Variants in ABCA4 observed in about 807,000 individuals in gnomAD.
ABCA4 encodes the protein ATP binding cassette subfamily A member 4, also known as retinal-specific phospholipid-transporting ATPase ABCA4.
A neutral mutation model predicts 263.7 loss-of-function variants in ABCA4; 196 were observed. The observed-to-expected ratio is 0.74, with a 90% CI of 0.66 to 0.84. The LOEUF is 0.84. Among genes scored for constraint, ABCA4 ranks in the 40% least tolerant of loss-of-function variants. The probability of loss-of-function intolerance (pLI) is 0.00; values close to 1 mark genes in which losing one functional copy is unlikely to be tolerated. For synonymous variants in ABCA4, 1,133 were observed against 1,094.2 expected, an observed-to-expected ratio of 1.04 and a Z score of -0.70; for missense variants, 2,792 against 2,855.1, an observed-to-expected ratio of 0.98 and a Z score of 0.50.
At chr1:94,111,340 CA>C (rs2101161693) in intron 3 of ABCA4, 97 bp downstream of exon 3, 1 of 1,497,362 alleles carries the variant, frequency 6.7e-7, no homozygotes, top group African/African-American at 1.4e-5. Context: ...GCCACAAGAA[CA>C]CTCAGTGCTC....
At chr1:94,031,277 G>A (rs1291815611) in intron 27 of ABCA4, among the ~76,000 whole-genome samples, 157 bp from the exon 28 acceptor site, 2 of 152,230 alleles carry the variant, frequency 1.3e-5, no homozygotes, top group African/African-American at 4.8e-5. Context: ...ATAATAAGCA[G>A]GGTGTGCAAA....
intron 16 of ABCA4, among the ~76,000 whole-genome samples, chr1:94,052,265 C>A (rs910464903): frequency 5.9e-5 from 9 of 152,174 alleles, no homozygotes; most frequent in African/African-American, 2.2e-4. Context: ...AACCCTACAC[C>A]CCCATCCCTC....
intron 29 of ABCA4, 58 bp downstream of exon 29, chr1:94,030,370 C>T (rs1386511781): frequency 2.6e-6 from 4 of 1,516,784 alleles, no homozygotes; most frequent in Middle Eastern, 1.8e-4. Flanking sequence ...CTTGAACCCA[C>T]CGTTGGGTCC....
intron 35 of ABCA4, among the ~76,000 whole-genome samples, chr1:94,020,291 A>C (rs146074302): frequency 1.7e-4 from 26 of 152,324 alleles, no homozygotes; most frequent in African/African-American, 6.3e-4. Flanking sequence ...CTTTCCTCGG[A>C]CAAATAGAAG....
intron 4 of ABCA4, among the ~76,000 whole-genome samples, chr1:94,108,071 C>T (rs1662491378): frequency 1.3e-5 from 2 of 152,190 alleles, no homozygotes; most frequent in South Asian, 2.1e-4. Flanking sequence ...TCTCCACTTG[C>T]TCTGCCTCGG....
At chr1:94,086,257 A>G (rs1661822626) in intron 6 of ABCA4, among the ~76,000 whole-genome samples, 2 of 152,176 alleles carry the variant, frequency 1.3e-5, no homozygotes, top group South Asian at 4.1e-4. Context: ...TTATCTTTGT[A>G]TCACCAAGCT....
At chr1:94,034,928 A>G (rs566587794) in intron 26 of ABCA4, among the ~76,000 whole-genome samples, 2 of 152,306 alleles carry the variant, frequency 1.3e-5, no homozygotes, top group South Asian at 2.1e-4. Flanking sequence ...TCTCTCAACA[A>G]TGCTACAGGT....
At chr1:94,080,828 C>G in intron 7 of ABCA4, 110 bp from the exon 8 acceptor site, 1 of 1,483,364 alleles carries the variant, frequency 6.7e-7, no homozygotes, top group African/African-American at 1.4e-5. Flanking sequence ...AAGAAAACAT[C>G]CATATATTCT....
At chr1:93,993,413 C>T (rs1463394029) in intron 49 of ABCA4, among the ~76,000 whole-genome samples, 171 bp from the exon 50 acceptor site, 1 of 152,038 alleles carries the variant, frequency 6.6e-6, no homozygotes, top group East Asian at 1.9e-4. Context: ...CTCTCCTTCT[C>T]TATGAAATCT....
chr1:94,032,030 C>G lies in ABCA4; in HGVS notation c.3876G>C (p.Gln1292His), dbSNP rs758846438. Residue 1292 changes from glutamine to histidine, a missense_variant, in exon 27 of 50, where the codon CAG becomes CAC. Transcript: ENST00000370225. Reference protein sequence around the residue: ...SGPLFAGGAQQKRENVNPRHP... With the variant: ...SGPLFAGGAQHKRENVNPRHP... ...GTCGGGGGTTGACGTTTTCTCTTTT[C>G]TGCTGAGCGCCACCTGTTTTGAGAG... 5.0e-6 allele frequency: 8 copies of G among 1,611,828 alleles called. No individual in the cohort carries two copies. In the Admixed American group the frequency reaches 1.3e-4, roughly 27 times the overall value.
At position 93,992,850 on chromosome 1, in the gene ABCA4, C is replaced by T. The variant is rs541149057; in HGVS notation, c.*387G>A. On this transcript the variant is annotated 3_prime_UTR_variant, in exon 50 of 50. Coordinates refer to ENST00000370225, the MANE Select transcript of ABCA4 (RefSeq NM_000350.3). ...GAATTAGGATAGTTTGTGATGAGTG[C>T]ATTTGCATTTTATTTTTCCATGAAA... 3.7e-5 allele frequency: 12 copies of T among 326,160 alleles called. No homozygotes were observed. The East Asian group carries it at 8.5e-4, about 23-fold the overall frequency. The allele number at this position is 326,160 out of a possible 1,614,324, so 20.2% of individuals were successfully genotyped here.
At chr1:94,074,564 C>T (rs774565888) in intron 11 of ABCA4, among the ~76,000 whole-genome samples, 15 of 152,282 alleles carry the variant, frequency 9.9e-5, no homozygotes, top group African/African-American at 2.2e-4. Context: ...CTATCATTAG[C>T]GTGAACAGGC....
chr1:94,064,916 T>C (rs1661224865), intron 11 of ABCA4, among the ~76,000 whole-genome samples: 2 of 152,100 alleles, frequency 1.3e-5, no homozygotes, highest in African/African-American at 2.4e-5. Context: ...GATCAGACTA[T>C]GATCACTGGT....
At chr1:94,039,339 T>G (rs1376573662) in intron 24 of ABCA4, among the ~76,000 whole-genome samples, 1 of 152,218 alleles carries the variant, frequency 6.6e-6, no homozygotes, top group Non-Finnish European at 1.5e-5. Flanking sequence ...TTTGAAAAAG[T>G]TTGTGCTAAA....
intron 2 of ABCA4, 69 bp from the exon 3 acceptor site, chr1:94,111,648 T>G (rs987212130): frequency 1.3e-6 from 2 of 1,587,490 alleles, no homozygotes; most frequent in Non-Finnish European, 1.7e-6. Context: ...GACCTAGGAG[T>G]TGGCCTTTTT....
chr1:94,072,724 C>G (rs939336073), intron 11 of ABCA4, among the ~76,000 whole-genome samples: 2 of 152,036 alleles, frequency 1.3e-5, no homozygotes, highest in African/African-American at 4.8e-5. Context: ...ATTGGAAGGC[C>G]CATGGGAATG....
At position 94,021,313 on chromosome 1, in the gene ABCA4, G is replaced by A. The variant is rs886046563; in HGVS notation, c.4945C>T (p.Pro1649Ser). The part of the protein sequence containing the change: ...LRASLPKDRS[P>S]EEYGITVISQ... Reference sequence around the variant, plus strand: ...ATGACGGTGATTCCATACTCCTCGGGGCTCCTGTCCTTAGGCAGGCTGGCC... The same window carrying A: ...ATGACGGTGATTCCATACTCCTCGGAGCTCCTGTCCTTAGGCAGGCTGGCC... The change falls in exon 35 of 50, where the codon CCC becomes TCC. Residue 1649 changes from proline (P) to serine (S), a missense_variant. By Grantham distance (74) the Pro-to-Ser change is moderately conservative. Coordinates refer to ENST00000370225, the MANE Select transcript of ABCA4 (RefSeq NM_000350.3). 22 of 1,614,094 alleles carry A rather than the reference G, an allele frequency of 1.4e-5. No homozygotes were observed. Among genetic ancestry groups the A allele is most frequent in the Non-Finnish European group, 1.8e-5 (21 of 1,180,038 alleles).
Position 94,063,288 on chromosome 1 carries a change from G to A in ABCA4, c.1584C>T (p.Tyr528=). Residue 528 remains tyrosine, a synonymous_variant, in exon 12 of 50, where the codon TAC becomes TAT. Coordinates refer to ENST00000370225, the MANE Select transcript of ABCA4 (RefSeq NM_000350.3). The part of the protein sequence containing the change: ...ECLVLDKFES[Y]NDETQLTQRA... The stretch of plus-strand genomic sequence containing the variant: ...GTTGGGTGAGCTGAGTTTCATCATT[G>A]TAGCTTTCAAACTTATCCAGGACCA... The A allele has an allele frequency of 1.2e-6, 2 of 1,614,144 alleles. No individual in the cohort carries two copies. Among genetic ancestry groups the A allele is most frequent in the Non-Finnish European group, 1.7e-6 (2 of 1,180,032 alleles).
chr1:94,053,735 G>C (rs759470711), intron 16 of ABCA4, among the ~76,000 whole-genome samples: 3 of 152,268 alleles, frequency 2.0e-5, no homozygotes, highest in Non-Finnish European at 4.4e-5. Flanking sequence ...AGCCTTCAGA[G>C]CTGTGAGATA....
Sources: allele counts gnomAD v4.1 joint callset (sites outside exome capture counted in the v4.1 genomes callset), GRCh38; gene constraint gnomAD v4.1.1; transcripts MANE v1.5; gene names NCBI Gene and HGNC (gene_info 2026-07-23, HGNC 2026-07-21).